ARMH3: variants seen among roughly 807,000 people sequenced by gnomAD.
ARMH3 encodes armadillo-like helical domain-containing protein 3.
Under a neutral mutation model 99.1 loss-of-function variants are expected in ARMH3, and 60 were observed. The ratio of observed to expected loss-of-function variants is 0.61; its 90% CI spans 0.49 to 0.75. The LOEUF is 0.75. ARMH3 is among the 30% of genes least tolerant of loss of function. The pLI is 0.00. For missense variants in ARMH3, 679 were observed against 843.1 expected (o/e 0.81, Z 2.41); for synonymous variants, 285 against 292.8 (o/e 0.97, Z 0.27).
rs1318566227 is a variant in ARMH3 at position 101,956,577 on chromosome 10, A to T, written c.1705+20T>A. ...CTAGACAAATGGTGGAGAGAGGAGT[A>T]AAAAGAAAAGGCAGCTTACCCATGG... On this transcript the variant is annotated intron_variant, in intron 22 of 25. Transcript: ENST00000370033. 2.5e-6 allele frequency: 4 copies of T among 1,611,200 alleles called. No homozygotes were observed. The highest frequency in any genetic ancestry group is 1.7e-6 in the Non-Finnish European group (2 of 1,177,970).
chr10:101,963,196 G>A (rs564791502), intron 20 of ARMH3, among the ~76,000 whole-genome samples: 84 of 149,512 alleles, frequency 5.6e-4, no homozygotes, highest in Non-Finnish European at 8.6e-4. Flanking sequence ...AGGCTGGAGT[G>A]CAGTGGCACG....
intron 8 of ARMH3, among the ~76,000 whole-genome samples, chr10:102,014,294 G>A (rs1444453621): frequency 6.6e-6 from 1 of 152,160 alleles, no homozygotes. Context: ...CAGGCCTTAT[G>A]TCCATCACTT....
In ARMH3 at chr10:101,849,899, G is replaced by A. The variant is rs2066548983; in HGVS notation, c.1861-7C>T. 6.2e-7 allele frequency: 1 copy of A among 1,612,494 alleles called. No individual in the cohort carries two copies. Among genetic ancestry groups the A allele is most frequent in the Non-Finnish European group, 8.5e-7 (1 of 1,178,764 alleles). On this transcript the variant is annotated splice_region_variant and splice_polypyrimidine_tract_variant and intron_variant, in intron 24 of 25. Coordinates refer to ENST00000370033, the MANE Select transcript of ARMH3 (RefSeq NM_024541.3). ...CTCTCACCACCTCCAGCACCTGGAGGACATCAAGGGCCAGGCAGGGCTTAG... is the reference window on the plus strand; with the variant it reads ...CTCTCACCACCTCCAGCACCTGGAGAACATCAAGGGCCAGGCAGGGCTTAG...
At chr10:102,014,293 T>G (rs546349390) in intron 8 of ARMH3, among the ~76,000 whole-genome samples, 1 of 152,210 alleles carries the variant, frequency 6.6e-6, no homozygotes, top group Non-Finnish European at 1.5e-5. Flanking sequence ...GCAGGCCTTA[T>G]GTCCATCACT....
intron 23 of ARMH3, among the ~76,000 whole-genome samples, chr10:101,902,863 T>C (rs781412604): frequency 1.3e-5 from 2 of 152,034 alleles, no homozygotes; most frequent in Non-Finnish European, 2.9e-5. Context: ...CAAACATTCA[T>C]CATAATAGTG....
At chr10:101,906,843 T>G (rs1842653526) in intron 23 of ARMH3, among the ~76,000 whole-genome samples, 2 of 152,140 alleles carry the variant, frequency 1.3e-5, no homozygotes, top group Admixed American at 1.3e-4. Context: ...TAGGCAGCTG[T>G]GAAGAATCAG....
At chr10:101,979,644 T>TA (rs1310226051) in intron 19 of ARMH3, among the ~76,000 whole-genome samples, 2 of 152,004 alleles carry the variant, frequency 1.3e-5, no homozygotes, top group African/African-American at 4.8e-5. Context: ...TAAAGCTGCT[T>TA]AAAAAAAACT....
At chr10:102,027,668 T>C (rs2067030443) in intron 5 of ARMH3, among the ~76,000 whole-genome samples, 1 of 152,032 alleles carries the variant, frequency 6.6e-6, no homozygotes. Context: ...TTAGCAGTCA[T>C]CAACATACAA....
At chr10:101,953,281 T>G (rs1477027153) in intron 22 of ARMH3, among the ~76,000 whole-genome samples, 1 of 152,146 alleles carries the variant, frequency 6.6e-6, no homozygotes, top group East Asian at 1.9e-4. Flanking sequence ...AAGCATGCAC[T>G]GCCACACCTA....
intron 19 of ARMH3, among the ~76,000 whole-genome samples, chr10:101,987,228 C>A (rs1846553149): frequency 6.6e-6 from 1 of 152,158 alleles, no homozygotes; most frequent in Non-Finnish European, 1.5e-5. Context: ...ACTCTAACCA[C>A]CTGGAATTAT....
At chr10:101,961,049 G>A (rs1427203571) in intron 20 of ARMH3, among the ~76,000 whole-genome samples, 1 of 152,160 alleles carries the variant, frequency 6.6e-6, no homozygotes, top group Non-Finnish European at 1.5e-5. Context: ...TTCTCCACCT[G>A]TTGGCTGCTC....
In ARMH3 at chr10:101,966,113, T is replaced by C. The variant is rs1845524503; in HGVS notation, c.1496-8381A>G. The stretch of plus-strand genomic sequence containing the variant: ...TTTCTTTTTCTTTTCTTTTTTTTTT[T>C]TTTTTTTTAGACAGAGTCTCACTCT... On this transcript the variant is annotated intron_variant, in intron 20 of 25. Transcript: ENST00000370033. Among the ~76,000 whole-genome samples the C allele has an allele frequency of 2.0e-5, 3 of 146,438 alleles. No homozygotes were observed. In the South Asian group the frequency reaches 6.7e-4, roughly 33 times the overall value.
chr10:101,864,078 AACACACACAC>A (rs71016353), intron 24 of ARMH3, among the ~76,000 whole-genome samples: 4 of 106,284 alleles, frequency 3.8e-5, no homozygotes, highest in Non-Finnish European at 3.7e-5. Flanking sequence ...AAAAAAAAAA[AACACACACAC>A]ACACACACAC....
At chr10:101,932,158 C>T (rs1046702279) in intron 23 of ARMH3, among the ~76,000 whole-genome samples, 3 of 152,172 alleles carry the variant, frequency 2.0e-5, no homozygotes, top group Admixed American at 2.0e-4. Context: ...AAAAGATGCT[C>T]AACATCACTA....
At chr10:101,975,915 G>A (rs1845975702) in intron 19 of ARMH3, among the ~76,000 whole-genome samples, 1 of 151,360 alleles carries the variant, frequency 6.6e-6, no homozygotes, top group East Asian at 1.9e-4. Flanking sequence ...AGCACTTTAG[G>A]AGGCCGAGGC....
chr10:101,875,882 T>C (rs1252878004), intron 24 of ARMH3, among the ~76,000 whole-genome samples: 2 of 152,186 alleles, frequency 1.3e-5, no homozygotes, highest in Non-Finnish European at 2.9e-5. Context: ...ACACAGGTCC[T>C]TACCTTGCAC....
chr10:101,923,830 CCA>C (rs1843396810), intron 23 of ARMH3, among the ~76,000 whole-genome samples: 1 of 152,186 alleles, frequency 6.6e-6, no homozygotes, highest in Non-Finnish European at 1.5e-5. Flanking sequence ...CCTGACTTTT[CCA>C]TAAAAGAGTC....
chr10:101,953,834 T>G (rs1316250280), intron 22 of ARMH3, among the ~76,000 whole-genome samples: 1 of 152,104 alleles, frequency 6.6e-6, no homozygotes. Context: ...TCTTATATAG[T>G]TAAAACATAC....
intron 23 of ARMH3, among the ~76,000 whole-genome samples, chr10:101,904,214 C>A (rs2068047552): frequency 6.6e-6 from 1 of 152,174 alleles, no homozygotes; most frequent in Non-Finnish European, 1.5e-5. Context: ...TGGGAAGGTC[C>A]TCAGTGAGAA....
Sources: gnomAD v4.1 joint callset for allele counts (sites outside exome capture counted in the v4.1 genomes callset) on GRCh38, gnomAD v4.1.1 for gene constraint, MANE v1.5 for transcripts, NCBI Gene and HGNC (gene_info 2026-07-23, HGNC 2026-07-21) for gene names.